PTPRR: variants seen among roughly 807,000 people sequenced by gnomAD.
PTPRR encodes protein tyrosine phosphatase receptor type R, also known as receptor-type tyrosine-protein phosphatase R.
In PTPRR, 38 loss-of-function variants were observed where a neutral mutation model predicts 77.2. The observed-to-expected ratio is 0.49, with a 90% CI of 0.38 to 0.65. The LOEUF (loss-of-function observed/expected upper bound fraction) is 0.65, where lower values mean the gene tolerates loss of function less well. Among genes scored for constraint, PTPRR ranks in the 30% least tolerant of loss-of-function variants. PTPRR has a pLI of 0.00. For synonymous variants in PTPRR, 299 were observed against 283.1 expected (o/e 1.06, Z -0.57); for missense variants, 744 against 799.2 (o/e 0.93, Z 0.83).
At chr12:70,911,516 G>A (rs530436955) in intron 1 of PTPRR, among the ~76,000 whole-genome samples, 1 of 152,268 alleles carries the variant, frequency 6.6e-6, no homozygotes, top group Admixed American at 6.5e-5. Flanking sequence ...CACATTTTCA[G>A]TCACAATCAG....
intron 1 of PTPRR, among the ~76,000 whole-genome samples, chr12:70,912,573 T>C (rs1565739141): frequency 6.6e-6 from 1 of 152,200 alleles, no homozygotes; most frequent in Non-Finnish European, 1.5e-5. Context: ...ATAATATAAA[T>C]AATAGTTTTG....
chr12:70,665,364 C>CTTT lies in PTPRR; in HGVS notation c.1498-2762_1498-2760dup, dbSNP rs72472808. 4.7e-3 allele frequency among the ~76,000 whole-genome samples: 208 copies of CTTT among 44,638 alleles called. 16 individuals are homozygous for CTTT. Among genetic ancestry groups the CTTT allele is most frequent in the East Asian group, 9.0e-3 (12 of 1,332 alleles). 29.3% of individuals were successfully genotyped at this position (44,638 alleles called of 152,430 possible). ...GATGTAACACAAAGCAATGCAAATT[C>CTTT]TTTTTTTTTTTTTTTTTTTTTTTTT... On this transcript the variant is annotated intron_variant, in intron 10 of 13. Coordinates refer to ENST00000283228, the MANE Select transcript of PTPRR (RefSeq NM_002849.4).
At chr12:70,842,344 G>C (rs960327060) in intron 2 of PTPRR, among the ~76,000 whole-genome samples, 5 of 152,152 alleles carry the variant, frequency 3.3e-5, no homozygotes, top group Non-Finnish European at 4.4e-5. Context: ...CCAGCATAAA[G>C]ATGAGCTGTT....
intron 6 of PTPRR, among the ~76,000 whole-genome samples, chr12:70,732,344 G>A (rs1390687559): frequency 3.3e-5 from 5 of 152,190 alleles, no homozygotes; most frequent in Non-Finnish European, 5.9e-5. Context: ...CGTAACAAGA[G>A]TAAAACAAAT....
intron 2 of PTPRR, among the ~76,000 whole-genome samples, chr12:70,889,641 C>T (rs1893299916): frequency 6.6e-6 from 1 of 151,990 alleles, no homozygotes; most frequent in East Asian, 1.9e-4. Flanking sequence ...GGATCGCAAG[C>T]CCCTGGAAAC....
At chr12:70,767,533 C>T (rs191751044) in intron 2 of PTPRR, among the ~76,000 whole-genome samples, 9 of 152,190 alleles carry the variant, frequency 5.9e-5, no homozygotes, top group Non-Finnish European at 1.5e-5. Context: ...GAGTGACCTA[C>T]AAAGAGACTT....
At chr12:70,760,407 C>A (rs1017429621) in intron 4 of PTPRR, among the ~76,000 whole-genome samples, 3 of 152,146 alleles carry the variant, frequency 2.0e-5, no homozygotes, top group Admixed American at 6.5e-5. Context: ...AGCCACCATG[C>A]CCACCCAGAG....
chr12:70,780,598 C>G (rs1033131810), intron 2 of PTPRR, among the ~76,000 whole-genome samples: 24 of 151,940 alleles, frequency 1.6e-4, no homozygotes, highest in African/African-American at 5.8e-4. Flanking sequence ...TGTACATATG[C>G]ATATATGAAT....
intron 12 of PTPRR, among the ~76,000 whole-genome samples, chr12:70,659,053 C>T (rs565161041): frequency 2.4e-4 from 37 of 151,950 alleles, no homozygotes; most frequent in African/African-American, 8.7e-4. Flanking sequence ...CAGGCACATT[C>T]CACCACGCCT....
At chr12:70,754,782 G>T in intron 4 of PTPRR, 2 of 1,470,610 alleles carry the variant, frequency 1.4e-6, no homozygotes, top group Non-Finnish European at 1.8e-6. Flanking sequence ...AACAATGCCA[G>T]CATTATTTCC....
intron 2 of PTPRR, among the ~76,000 whole-genome samples, chr12:70,771,325 T>C (rs887702093): frequency 6.6e-6 from 1 of 152,040 alleles, no homozygotes; most frequent in Non-Finnish European, 1.5e-5. Flanking sequence ...ATGTTCTCAC[T>C]TATAAGTGGG....
At chr12:70,901,765 ATTAAT>A (rs893588748) in intron 1 of PTPRR, among the ~76,000 whole-genome samples, 7 of 151,762 alleles carry the variant, frequency 4.6e-5, no homozygotes, top group African/African-American at 7.2e-5. Context: ...GGACTTAATC[ATTAAT>A]TTAATTATTA....
intron 2 of PTPRR, among the ~76,000 whole-genome samples, chr12:70,857,027 A>G (rs1892663951): frequency 1.3e-5 from 2 of 152,142 alleles, no homozygotes; most frequent in African/African-American, 4.8e-5. Flanking sequence ...TCTAAAGGCA[A>G]ATGTCTATGA....
chr12:70,771,051 G>A (rs944694582), intron 2 of PTPRR, among the ~76,000 whole-genome samples: 2 of 151,508 alleles, frequency 1.3e-5, no homozygotes, highest in African/African-American at 4.9e-5. Context: ...TATACCTAAT[G>A]CTAAATGACG....
At chr12:70,918,114 T>G (rs568606448) in intron 1 of PTPRR, among the ~76,000 whole-genome samples, 2 of 152,336 alleles carry the variant, frequency 1.3e-5, no homozygotes, top group Admixed American at 6.5e-5. Flanking sequence ...AATCTCCAAA[T>G]GTATAGAAGC....
chr12:70,871,533 C>G (rs1892958638), intron 2 of PTPRR, among the ~76,000 whole-genome samples: 1 of 152,092 alleles, frequency 6.6e-6, no homozygotes, highest in Non-Finnish European at 1.5e-5. Flanking sequence ...CTACAGTTTC[C>G]CTGGTATAGC....
intron 2 of PTPRR, among the ~76,000 whole-genome samples, chr12:70,768,436 G>A (rs1013079865): frequency 5.3e-5 from 8 of 152,122 alleles, no homozygotes; most frequent in Non-Finnish European, 8.8e-5. Flanking sequence ...CTTGACACAT[G>A]CACTTTCCCA....
chr12:70,668,312 A>G (rs930758631), intron 10 of PTPRR, among the ~76,000 whole-genome samples: 1 of 152,070 alleles, frequency 6.6e-6, no homozygotes, highest in Non-Finnish European at 1.5e-5. Flanking sequence ...GCAGCTTGGG[A>G]GTCAGCTGTT....
intron 10 of PTPRR, among the ~76,000 whole-genome samples, chr12:70,682,034 C>CTTTTT (rs578204454): frequency 1.8e-4 from 11 of 62,722 alleles, no homozygotes; most frequent in East Asian, 6.4e-4. Context: ...TTGTTGTTCA[C>CTTTTT]TTTTTTTTTT....
Sources: gnomAD v4.1 joint callset for allele counts (sites outside exome capture counted in the v4.1 genomes callset) on GRCh38, gnomAD v4.1.1 for gene constraint, MANE v1.5 for transcripts, NCBI Gene and HGNC (gene_info 2026-07-23, HGNC 2026-07-21) for gene names.